PCDHGA6: variants seen among roughly 807,000 people sequenced by gnomAD.
The protein encoded by PCDHGA6 is protocadherin gamma subfamily A, 6, also known as protocadherin gamma-A6.
A neutral mutation model predicts 60.6 loss-of-function variants in PCDHGA6; 41 were observed. The ratio of observed to expected loss-of-function variants is 0.68; its 90% CI spans 0.53 to 0.88. The LOEUF is 0.88. Ranked by LOEUF, PCDHGA6 falls within the 40% of genes least tolerant of loss-of-function variation. The pLI is 0.00. For synonymous variants in PCDHGA6, 594 were observed against 524.4 expected (o/e 1.13, Z -1.81); for missense variants, 1,312 against 1,203.0 (o/e 1.09, Z -1.34).
At position 141,477,879 on chromosome 5, in the gene PCDHGA6, A is replaced by T. The variant is rs932363258; in HGVS notation, c.2425-16928A>T. The T allele has an allele frequency of 3.4e-5, 55 of 1,614,060 alleles. No homozygotes were observed. The highest frequency in any genetic ancestry group is 4.6e-5 in the Non-Finnish European group (54 of 1,180,034). ...CTGCCTCGAGGTACCTCAGCTGGCCACCTAGTGTCACGGGTGGTAGGCTGG... is the reference window on the plus strand; with the variant it reads ...CTGCCTCGAGGTACCTCAGCTGGCCTCCTAGTGTCACGGGTGGTAGGCTGG... On this transcript the variant is annotated intron_variant, in intron 1 of 3. Coordinates refer to ENST00000517434, the MANE Select transcript of PCDHGA6 (RefSeq NM_018919.3). This position sits in a 1 kb window ranked among gnomAD's most constrained non-coding sequence, Gnocchi z 4.9.
chr5:141,398,051 C>T, intron 1 of PCDHGA6: 1 of 1,512,220 alleles, frequency 6.6e-7, no homozygotes, highest in Non-Finnish European at 8.9e-7. Flanking sequence ...GTTCGGAGAT[C>T]CAAAAATCTA....
At chr5:141,403,136 C>G in intron 1 of PCDHGA6, 1 of 1,614,006 alleles carries the variant, frequency 6.2e-7, no homozygotes. Flanking sequence ...GCTGGCGGAG[C>G]GCCGAGTCCG....
chr5:141,410,287 C>T (rs1277233674), intron 1 of PCDHGA6: 1 of 1,614,018 alleles, frequency 6.2e-7, no homozygotes, highest in East Asian at 2.2e-5. Context: ...TGGTGGTGGC[C>T]TTGGCCTTAA....
At chr5:141,423,920 G>A (rs2096790804) in intron 1 of PCDHGA6, 2 of 1,258,728 alleles carry the variant, frequency 1.6e-6, no homozygotes, top group African/African-American at 1.6e-5. Flanking sequence ...ATTCAACTAT[G>A]CTGGTTTGGT....
intron 1 of PCDHGA6, among the ~76,000 whole-genome samples, chr5:141,438,621 TATATATATATATATAC>T (rs1472935962): frequency 0.016 from 652 of 41,356 alleles, 15 homozygotes; most frequent in East Asian, 0.15. Flanking sequence ...TATATATATA[TATATATATATATATAC>T]ACACACACAC....
intron 1 of PCDHGA6, among the ~76,000 whole-genome samples, chr5:141,483,611 A>G (rs2099583566): frequency 6.6e-6 from 1 of 151,952 alleles, no homozygotes; most frequent in South Asian, 2.1e-4. Context: ...TTACACCTCC[A>G]TCATTCCCAT....
At chr5:141,408,910 T>A in intron 1 of PCDHGA6, 1 of 1,613,256 alleles carries the variant, frequency 6.2e-7, no homozygotes, top group Non-Finnish European at 8.5e-7. Flanking sequence ...AGGATACCAA[T>A]GATAACCCCC....
At chr5:141,400,357 T>C (rs769075513) in intron 1 of PCDHGA6, 1 of 1,614,052 alleles carries the variant, frequency 6.2e-7, no homozygotes, top group Non-Finnish European at 8.5e-7. Flanking sequence ...TCAGGGGACT[T>C]TGCCTTATTC....
At chr5:141,455,159 G>GT (rs1390145608) in intron 1 of PCDHGA6, among the ~76,000 whole-genome samples, 2,419 of 144,948 alleles carry the variant, frequency 0.017, 50 homozygotes, top group African/African-American at 0.056. Context: ...TTAGTTTGTT[G>GT]GTTTTTTTTT....
chr5:141,497,326 T>C (rs1021730142), intron 2 of PCDHGA6, among the ~76,000 whole-genome samples: 1 of 152,060 alleles, frequency 6.6e-6, no homozygotes, highest in Non-Finnish European at 1.5e-5. Flanking sequence ...TGAAGCAGAA[T>C]TCACCATTGA....
intron 2 of PCDHGA6, among the ~76,000 whole-genome samples, chr5:141,496,335 C>G (rs2099768099): frequency 1.3e-5 from 2 of 152,204 alleles, no homozygotes; most frequent in Admixed American, 6.5e-5. Flanking sequence ...AAGTCAGGAG[C>G]CTGGAGGAGT....
Position 141,512,089 on chromosome 5 carries a change from T to C in PCDHGA6, c.*916T>C, listed in dbSNP as rs1292597067. 6.6e-6 allele frequency: 1 copy of C among 152,606 alleles called. No individual in the cohort carries two copies. Among genetic ancestry groups the C allele is most frequent in the Non-Finnish European group, 1.5e-5 (1 of 68,068 alleles). 9.5% of individuals were successfully genotyped at this position (152,606 alleles called of 1,614,324 possible). A position where few individuals can be genotyped will look rare whatever the true frequency, so the allele number is the denominator to read the frequency against. ...CCTCCAGATTCCAGCCATAAACCAA[T>C]AACTAGGCTGGACCCTTCCCACTAC... On this transcript the variant is annotated 3_prime_UTR_variant, in exon 4 of 4. Coordinates refer to ENST00000517434, the MANE Select transcript of PCDHGA6 (RefSeq NM_018919.3).
chr5:141,406,998 A>T (rs138992041), intron 1 of PCDHGA6, among the ~76,000 whole-genome samples: 1 of 152,234 alleles, frequency 6.6e-6, no homozygotes, highest in Non-Finnish European at 1.5e-5. Context: ...ATTTGAAAAT[A>T]AGCTTTGAAG....
intron 1 of PCDHGA6, chr5:141,428,217 C>A: frequency 8.3e-7 from 1 of 1,211,998 alleles, no homozygotes; most frequent in Non-Finnish European, 1.2e-6. Context: ...TTCACCTAGT[C>A]TTCGCAGACA....
At chr5:141,423,008 C>A in intron 1 of PCDHGA6, 13 of 1,614,214 alleles carry the variant, frequency 8.1e-6, no homozygotes, top group Non-Finnish European at 1.1e-5. Flanking sequence ...AAGGTGGTTG[C>A]GGTGGACAAA....
chr5:141,450,887 C>A (rs531604055), intron 1 of PCDHGA6, among the ~76,000 whole-genome samples: 1 of 148,582 alleles, frequency 6.7e-6, no homozygotes, highest in East Asian at 2.0e-4. Flanking sequence ...TGCAGTGGTG[C>A]GATATCGGCT....
Position 141,511,409 on chromosome 5 carries a change from G to C in PCDHGA6, c.*236G>C, listed in dbSNP as rs999907393. On this transcript the variant is annotated 3_prime_UTR_variant, in exon 4 of 4. Coordinates refer to ENST00000517434, the MANE Select transcript of PCDHGA6 (RefSeq NM_018919.3). Reference sequence around the variant, plus strand: ...GGGAACCCCCATCCAATCAACTGCTGTACCCATGGGGGTAGTGGGGTTACT... The same window carrying C: ...GGGAACCCCCATCCAATCAACTGCTCTACCCATGGGGGTAGTGGGGTTACT... The C allele has an allele frequency of 1.1e-6, 1 of 908,516 alleles. No homozygotes were observed. The highest frequency in any genetic ancestry group is 1.7e-5 in the African/African-American group (1 of 59,504). The allele number at this position is 908,516 out of a possible 1,614,324, so 56.3% of individuals were successfully genotyped here.
intron 1 of PCDHGA6, chr5:141,422,694 T>C: frequency 6.2e-7 from 1 of 1,603,912 alleles, no homozygotes; most frequent in Non-Finnish European, 8.5e-7. Context: ...CCCTGGTCAC[T>C]TACTCTCTGA....
rs757926227 is a variant in PCDHGA6, at chr5:141,432,889, G to A, written c.2424+56382G>A. 1.6e-5 allele frequency: 26 copies of A among 1,614,180 alleles called. No individual in the cohort carries two copies. In the East Asian group the frequency reaches 5.8e-4, roughly 36 times the overall value. On this transcript the variant is annotated intron_variant, in intron 1 of 3. Transcript: ENST00000517434. This position sits in a 1 kb window ranked among gnomAD's most constrained non-coding sequence, Gnocchi z 6.0. ...GCGTCTTCCTGGCCTTCGTCATCTT[G>A]CTGCTGGCGCTCAGGCTGCGGCGCT...
Sources: allele counts gnomAD v4.1 joint callset (sites outside exome capture counted in the v4.1 genomes callset), GRCh38; gene constraint gnomAD v4.1.1; non-coding constraint Gnocchi (gnomAD v3.1); transcripts MANE v1.5; gene names NCBI Gene and HGNC (gene_info 2026-07-23, HGNC 2026-07-21).